Variants in NEBL observed in about 807,000 individuals in gnomAD.
The protein encoded by NEBL is LIM and SH3 protein 2.
Under a neutral mutation model 140.2 loss-of-function variants are expected in NEBL, and 122 were observed. The observed-to-expected ratio is 0.87, with a 90% confidence interval of 0.75 to 1.01. The LOEUF (loss-of-function observed/expected upper bound fraction) is 1.01, where lower values mean the gene tolerates loss of function less well. NEBL is among the 50% of genes least tolerant of loss of function. The pLI, the probability that NEBL is intolerant of heterozygous loss-of-function variation, is 0.00. For synonymous variants in NEBL, 436 were observed against 398.9 expected (o/e 1.09, Z -1.11); for missense variants, 1,365 against 1,231.3 (o/e 1.11, Z -1.62).
chr10:20,817,668 G>C lies in NEBL; in HGVS notation c.2080C>G (p.Arg694Gly). The C allele has an allele frequency of 6.2e-7, 1 of 1,613,442 alleles. No homozygotes were observed. Among genetic ancestry groups the C allele is most frequent in the South Asian group, 1.1e-5 (1 of 91,060 alleles). The change falls in exon 21 of 28, where the codon CGG becomes GGG. Residue 694 changes from arginine to glycine, a missense_variant. Physicochemically the swap from Arg to Gly is moderately radical, Grantham distance 125 (BLOSUM62 -2). This residue lies in a region of NEBL where 1,323 missense variants were observed against 1,154.8 expected (regional missense o/e 1.15). Coordinates refer to ENST00000377122, the MANE Select transcript of NEBL (RefSeq NM_006393.3). ...GGTGGATCAGAAATTGCAGTTCCCC[G>C]TTGAAGTTCTCCCTTATATTTTACC... Reference protein sequence around the residue: ...SAVKYKGELQRGTAISDPPEL... With the variant: ...SAVKYKGELQGGTAISDPPEL...
At chr10:21,211,621 C>T (rs1164300182) in intron 3 of NEBL, among the ~76,000 whole-genome samples, 1 of 152,162 alleles carries the variant, frequency 6.6e-6, no homozygotes, top group Non-Finnish European at 1.5e-5. Context: ...ATGAGGAAAG[C>T]CAATGAGCTG....
chr10:21,099,644 TCTC>T (rs1589232941), intron 2 of NEBL, among the ~76,000 whole-genome samples: 1 of 152,204 alleles, frequency 6.6e-6, no homozygotes, highest in East Asian at 1.9e-4. Flanking sequence ...GATTGTAATC[TCTC>T]AGATTTGAAA....
rs183616020 is a variant in NEBL, at chr10:21,138,181, T to C, written c.164+34202A>G. Among the ~76,000 whole-genome samples the C allele has an allele frequency of 5.9e-5, 9 of 152,284 alleles. No individual in the cohort carries two copies. The East Asian group carries it at 1.5e-3, about 26-fold the overall frequency. ...TAGAAACCAAAACAGTCTTATATTATTGGGACAACGGACAGCACTGTCCCA... is the reference window on the plus strand; with the variant it reads ...TAGAAACCAAAACAGTCTTATATTACTGGGACAACGGACAGCACTGTCCCA... On this transcript the variant is annotated intron_variant, in intron 2 of 6. Transcript: ENST00000417816.
intron 26 of NEBL, among the ~76,000 whole-genome samples, chr10:20,790,575 T>C (rs1456304558): frequency 6.8e-6 from 1 of 147,154 alleles, no homozygotes; most frequent in Non-Finnish European, 1.5e-5. Context: ...CACTCCAGCC[T>C]GGGCGACAGA....
At chr10:21,002,561 C>T (rs1291758300) in intron 3 of NEBL, among the ~76,000 whole-genome samples, 1 of 152,110 alleles carries the variant, frequency 6.6e-6, no homozygotes, top group Non-Finnish European at 1.5e-5. Context: ...TTTATAAAGA[C>T]AAGAGGTTTA....
intron 11 of NEBL, among the ~76,000 whole-genome samples, chr10:20,846,446 T>C (rs1841954264): frequency 6.6e-6 from 1 of 152,182 alleles, no homozygotes; most frequent in African/African-American, 2.4e-5. Flanking sequence ...TCTCCTCACT[T>C]AGCACATGTG....
chr10:20,926,478 T>C (rs1171539890), intron 4 of NEBL, among the ~76,000 whole-genome samples: 1 of 152,250 alleles, frequency 6.6e-6, no homozygotes, highest in Non-Finnish European at 1.5e-5. Context: ...ATGTGCCTGA[T>C]GCTCTGCCTA....
At chr10:21,093,150 C>CTTTTTTTTTTTTTTTTTTTTTTTT (rs4025884) in intron 2 of NEBL, among the ~76,000 whole-genome samples, 3 of 95,038 alleles carry the variant, frequency 3.2e-5, no homozygotes, top group African/African-American at 1.3e-4. Flanking sequence ...AGCAACAAGT[C>CTTTTTTTTTTTTTTTTTTTTTTTT]TTTTTTTTTT....
chr10:21,127,755 A>G (rs1404385182), intron 2 of NEBL, among the ~76,000 whole-genome samples: 5 of 152,162 alleles, frequency 3.3e-5, no homozygotes, highest in Non-Finnish European at 7.4e-5. Flanking sequence ...AAAGGGGGAA[A>G]GGAGTGGAAG....
At chr10:20,933,949 G>A (rs1834337358) in intron 4 of NEBL, among the ~76,000 whole-genome samples, 1 of 151,988 alleles carries the variant, frequency 6.6e-6, no homozygotes, top group Non-Finnish European at 1.5e-5. Flanking sequence ...ATGGCCAGCT[G>A]GGTACACTAT....
chr10:20,920,635 A>G (rs2131498609), intron 4 of NEBL, among the ~76,000 whole-genome samples: 1 of 152,334 alleles, frequency 6.6e-6, no homozygotes, highest in African/African-American at 2.4e-5. Flanking sequence ...AACAAAAACT[A>G]ATAAAAAGAA....
chr10:20,979,686 A>C (rs1836953216), intron 3 of NEBL, among the ~76,000 whole-genome samples: 1 of 152,012 alleles, frequency 6.6e-6, no homozygotes, highest in Admixed American at 6.6e-5. Context: ...ACATAATATA[A>C]CACAGTTTTT....
intron 2 of NEBL, among the ~76,000 whole-genome samples, chr10:21,085,671 A>G (rs1589220097): frequency 6.6e-6 from 1 of 152,146 alleles, no homozygotes; most frequent in Non-Finnish European, 1.5e-5. Context: ...AAAACAACAT[A>G]TATACAAAAG....
At chr10:21,259,942 C>A (rs1452831944) in intron 1 of NEBL, among the ~76,000 whole-genome samples, 1 of 152,132 alleles carries the variant, frequency 6.6e-6, no homozygotes, top group Non-Finnish European at 1.5e-5. Flanking sequence ...CACTTTGCAA[C>A]CAAGAGAGAA....
At chr10:20,882,608 G>A (rs1846123197) in intron 4 of NEBL, among the ~76,000 whole-genome samples, 1 of 152,030 alleles carries the variant, frequency 6.6e-6, no homozygotes, top group Non-Finnish European at 1.5e-5. Context: ...AAACATTCTT[G>A]TGAGCTTAAA....
chr10:21,173,701 T>G lies in NEBL; in HGVS notation c.69+64A>C. 1 of 1,608,088 alleles carries G rather than the reference T, an allele frequency of 6.2e-7. No individual in the cohort carries two copies. Among genetic ancestry groups the G allele is most frequent in the Non-Finnish European group, 8.5e-7 (1 of 1,179,336 alleles). ...TGCTTTCCATCCCAGGTGCCAAAACTTCTCGAAGCAGGTGCAGCCCCTCGC... is the reference window on the plus strand; with the variant it reads ...TGCTTTCCATCCCAGGTGCCAAAACGTCTCGAAGCAGGTGCAGCCCCTCGC... On this transcript the variant is annotated intron_variant, in intron 1 of 6. Transcript: ENST00000417816. The surrounding 1 kb of genome is among the most constrained non-coding windows in gnomAD (Gnocchi z 5.7).
chr10:21,035,829 T>C (rs994300075), intron 2 of NEBL, among the ~76,000 whole-genome samples: 22 of 152,142 alleles, frequency 1.4e-4, no homozygotes, highest in African/African-American at 5.1e-4. Context: ...ATATATAACA[T>C]GTACATACAT....
chr10:20,971,242 A>G (rs1836556682), intron 3 of NEBL, among the ~76,000 whole-genome samples: 1 of 152,220 alleles, frequency 6.6e-6, no homozygotes, highest in Non-Finnish European at 1.5e-5. Flanking sequence ...TTATATCTAT[A>G]TTAATAAGGA....
intron 3 of NEBL, among the ~76,000 whole-genome samples, chr10:21,183,863 C>A (rs1841423750): frequency 6.6e-6 from 1 of 152,032 alleles, no homozygotes; most frequent in Non-Finnish European, 1.5e-5. Flanking sequence ...AGGGTCTTTC[C>A]CATGCTATTC....
Sources: allele counts gnomAD v4.1 joint callset (sites outside exome capture counted in the v4.1 genomes callset), GRCh38; gene constraint gnomAD v4.1.1; regional missense constraint gnomAD v4.1.1; non-coding constraint Gnocchi (gnomAD v3.1); transcripts MANE v1.5; gene names NCBI Gene and HGNC (gene_info 2026-07-23, HGNC 2026-07-21).